The following DAO variants were observed in gnomAD, a reference collection of about 807,000 sequenced individuals.
DAO encodes the protein D-amino-acid oxidase.
In DAO, 51 loss-of-function variants were observed where a neutral mutation model predicts 50.1. The ratio of observed to expected loss-of-function variants is 1.02; its 90% CI spans 0.81 to 1.29. The LOEUF is 1.29. Ranked by LOEUF, DAO falls within the 50% of genes most tolerant of loss-of-function variation. The probability of loss-of-function intolerance (pLI) is 0.00; values close to 1 mark genes in which losing one functional copy is unlikely to be tolerated. For missense variants in DAO, 436 were observed against 439.4 expected, an observed-to-expected ratio of 0.99 and a Z score of 0.07; for synonymous variants, 160 against 166.2, an observed-to-expected ratio of 0.96 and a Z score of 0.29.
At chr12:108,890,335 T>C in intron 5 of DAO, 62 bp downstream of exon 5, 3 of 1,323,220 alleles carry the variant, frequency 2.3e-6, no homozygotes, top group Non-Finnish European at 3.3e-6. Flanking sequence ...TAGTGGAAGA[T>C]GGTTCGTGGG....
chr12:108,900,550 G>T lies in DAO; in HGVS notation c.*15G>T. 6.2e-7 allele frequency: 1 copy of T among 1,613,296 alleles called. No homozygotes were observed. Among genetic ancestry groups the T allele is most frequent in the Non-Finnish European group, 8.5e-7 (1 of 1,179,562 alleles). Reference sequence around the variant, plus strand: ...CCCACCTCTGAAGACTCCAGTGACTGCTGCCTCCCCCCACAAGAACTCCCT... The same window carrying T: ...CCCACCTCTGAAGACTCCAGTGACTTCTGCCTCCCCCCACAAGAACTCCCT... On this transcript the variant is annotated 3_prime_UTR_variant, in exon 11 of 11. Transcript: ENST00000228476.
intron 3 of DAO, among the ~76,000 whole-genome samples, 192 bp downstream of exon 3, chr12:108,887,756 C>T (rs2039450478): frequency 6.6e-6 from 1 of 152,124 alleles, no homozygotes. Context: ...TTACATTTTG[C>T]TGTTAAATTG....
intron 10 of DAO, 198 bp from the exon 11 acceptor site, chr12:108,900,206 G>A: frequency 3.4e-6 from 2 of 584,196 alleles, no homozygotes; most frequent in South Asian, 3.8e-5. Flanking sequence ...TATCCATTTT[G>A]TGGCTGCCCC....
intron 9 of DAO, 120 bp from the exon 10 acceptor site, chr12:108,899,257 A>G: frequency 2.8e-6 from 2 of 724,036 alleles, no homozygotes; most frequent in South Asian, 1.5e-5. Flanking sequence ...ATTGATAAAG[A>G]TGACTGTGAT....
chr12:108,895,678 G>A (rs2039545840), intron 7 of DAO, among the ~76,000 whole-genome samples: 1 of 148,882 alleles, frequency 6.7e-6, no homozygotes, highest in African/African-American at 2.5e-5. Context: ...GTGCATGTAT[G>A]TAAGGGTGTG....
intron 8 of DAO, among the ~76,000 whole-genome samples, chr12:108,897,878 T>C (rs534233686): frequency 2.3e-4 from 35 of 150,646 alleles, no homozygotes; most frequent in African/African-American, 7.6e-4. Flanking sequence ...ACCTGGGAGG[T>C]TGAGGATGCA....
At chr12:108,895,808 G>A (rs1331111949) in intron 7 of DAO, among the ~76,000 whole-genome samples, 2 of 151,460 alleles carry the variant, frequency 1.3e-5, no homozygotes, top group Non-Finnish European at 2.9e-5. Context: ...AATGTTCATA[G>A]GTGTGCAGGT....
Position 108,885,065 on chromosome 12 carries a change from A to G in DAO, c.59A>G (p.His20Arg), listed in dbSNP as rs1376978753. 4 of 1,614,142 alleles carry G rather than the reference A, an allele frequency of 2.5e-6. No individual in the cohort carries two copies. The highest frequency in any genetic ancestry group is 2.2e-5 in the East Asian group (1 of 44,888). ...VIGLSTALCI[H>R]ERYHSVLQPL... ...GGGCTGTCCACCGCCCTCTGCATCC[A>G]TGAGCGCTACCACTCAGTCCTGCAG... The change falls in exon 2 of 11, where the codon CAT becomes CGT. Residue 20 changes from histidine (H) to arginine (R), a missense_variant. By Grantham distance (29) the His-to-Arg change is conservative. Transcript: ENST00000228476.
Position 108,884,981 on chromosome 12 carries a change from A to AC in DAO, c.-9-14dup. Reference sequence around the variant, plus strand: ...ATGATGGTGATGATGTTGTGCCTCAACCCTTCCTTCCCACAGGCTGCTGCA... The same window carrying AC: ...ATGATGGTGATGATGTTGTGCCTCAACCCCTTCCTTCCCACAGGCTGCTGCA... On this transcript the variant is annotated splice_polypyrimidine_tract_variant and intron_variant, in intron 1 of 10. Transcript: ENST00000228476. 1 of 1,612,908 alleles carries AC rather than the reference A, an allele frequency of 6.2e-7. No homozygotes were observed. Among genetic ancestry groups the AC allele is most frequent in the Non-Finnish European group, 8.5e-7 (1 of 1,179,082 alleles).
At chr12:108,888,914 A>G (rs979705579) in intron 3 of DAO, among the ~76,000 whole-genome samples, 2 of 152,134 alleles carry the variant, frequency 1.3e-5, no homozygotes, top group African/African-American at 2.4e-5. Flanking sequence ...AAATCCCAAC[A>G]CCACCATTTA....
intron 7 of DAO, among the ~76,000 whole-genome samples, chr12:108,896,534 G>C (rs2039559915): frequency 6.6e-6 from 1 of 151,886 alleles, no homozygotes; most frequent in African/African-American, 2.4e-5. Context: ...TCTGTTGAAA[G>C]GGCTGGTTTC....
Position 108,899,607 on chromosome 12 carries a change from T to C in DAO, c.912+132T>C, listed in dbSNP as rs112967634. 3,891 of 774,210 alleles carry C rather than the reference T, an allele frequency of 5.0e-3. 77 individuals carry two copies. In the East Asian group the frequency reaches 0.055, roughly 11 times the overall value. The allele number at this position is 774,210 out of a possible 1,614,324, so 48.0% of individuals were successfully genotyped here. A position where few individuals can be genotyped will look rare whatever the true frequency, so the allele number is the denominator to read the frequency against. ...AGCAGGCAGGGGCAGTGGTGGCTAATATCCCCTCCTCTATAAATGGGGAAA... is the reference window on the plus strand; with the variant it reads ...AGCAGGCAGGGGCAGTGGTGGCTAACATCCCCTCCTCTATAAATGGGGAAA... On this transcript the variant is annotated intron_variant, in intron 10 of 10. Transcript: ENST00000228476.
intron 1 of DAO, among the ~76,000 whole-genome samples, chr12:108,880,972 G>C (rs545373264): frequency 6.6e-6 from 1 of 152,228 alleles, no homozygotes; most frequent in East Asian, 1.9e-4. Flanking sequence ...GTAACCTTGG[G>C]TGGGTGACTT....
chr12:108,898,008 G>A (rs1411553646), intron 8 of DAO, among the ~76,000 whole-genome samples: 1 of 152,056 alleles, frequency 6.6e-6, no homozygotes, highest in Non-Finnish European at 1.5e-5. Context: ...TGGTGATTGG[G>A]GCTGATGGTG....
At chr12:108,884,852 C>T in intron 1 of DAO, 146 bp from the exon 2 acceptor site, 1 of 760,316 alleles carries the variant, frequency 1.3e-6, no homozygotes, top group South Asian at 1.5e-5. Context: ...ATATTCCTTC[C>T]TCCTAGGGGT....
In DAO at chr12:108,900,468, C is replaced by A; in HGVS notation, c.977C>A (p.Ala326Glu). ...ATCCACTGGGGATGTGCCCTGGAGG[C>A]AGCCAAGCTCTTTGGGAGAATCCTG... is the stretch of plus-strand genomic sequence containing the variant. ...LTIHWGCALE[A>E]AKLFGRILEE... Residue 326 changes from alanine to glutamate, a missense_variant, in exon 11 of 11, where the codon GCA (alanine) becomes GAA (glutamate). Ala to Glu is a moderately radical substitution (Grantham distance 107). Coordinates refer to ENST00000228476, the MANE Select transcript of DAO (RefSeq NM_001917.5). 2.5e-6 allele frequency: 4 copies of A among 1,614,152 alleles called. No individual in the cohort carries two copies. Among genetic ancestry groups the A allele is most frequent in the Non-Finnish European group, 3.4e-6 (4 of 1,179,998 alleles).
chr12:108,889,135 T>G (rs2039463228), intron 3 of DAO, among the ~76,000 whole-genome samples: 1 of 151,510 alleles, frequency 6.6e-6, no homozygotes, highest in Non-Finnish European at 1.5e-5. Context: ...AGATGAAGTC[T>G]CGCTCTGTGG....
At chr12:108,885,777 T>C (rs902322380) in intron 2 of DAO, among the ~76,000 whole-genome samples, 3 of 152,140 alleles carry the variant, frequency 2.0e-5, no homozygotes, top group Non-Finnish European at 4.4e-5. Flanking sequence ...TTTTTGAGAT[T>C]GTGTTTCACT....
At chr12:108,891,418 C>T (rs552073924) in intron 5 of DAO, among the ~76,000 whole-genome samples, 30 of 149,954 alleles carry the variant, frequency 2.0e-4, no homozygotes, top group Admixed American at 4.7e-4. Flanking sequence ...CCACTGCACT[C>T]CAGCCTGGGT....
Sources: allele counts gnomAD v4.1 joint callset (sites outside exome capture counted in the v4.1 genomes callset), GRCh38; gene constraint gnomAD v4.1.1; transcripts MANE v1.5; gene names NCBI Gene and HGNC (gene_info 2026-07-23, HGNC 2026-07-21).